The following RABGAP1L variants were observed in gnomAD, a reference collection of about 807,000 sequenced individuals.
RABGAP1L encodes the protein rab GTPase-activating protein 1-like.
In RABGAP1L, 63 loss-of-function variants were observed where a neutral mutation model predicts 137.7. The ratio of observed to expected loss-of-function variants is 0.46; its 90% CI spans 0.37 to 0.56. RABGAP1L has a LOEUF of 0.56. Ranked by LOEUF, RABGAP1L falls within the 20% of genes least tolerant of loss-of-function variation. The pLI, the probability that RABGAP1L is intolerant of heterozygous loss-of-function variation, is 0.00. For synonymous variants in RABGAP1L, 431 were observed against 433.7 expected, an observed-to-expected ratio of 0.99 and a Z score of 0.08; for missense variants, 1,095 against 1,244.0, an observed-to-expected ratio of 0.88 and a Z score of 1.80.
At chr1:174,810,023 A>G (rs1203361273) in intron 18 of RABGAP1L, among the ~76,000 whole-genome samples, 1 of 152,184 alleles carries the variant, frequency 6.6e-6, no homozygotes, top group East Asian at 1.9e-4. Context: ...TTTTTTCATT[A>G]CCACTGTTAG....
chr1:174,924,246 G>T (rs1662309000), intron 19 of RABGAP1L, among the ~76,000 whole-genome samples: 1 of 151,948 alleles, frequency 6.6e-6, no homozygotes, highest in Non-Finnish European at 1.5e-5. Context: ...AATCAGCCGG[G>T]CATGATAGTG....
intron 12 of RABGAP1L, among the ~76,000 whole-genome samples, chr1:174,380,795 C>T (rs12022834): frequency 9.4e-6 from 1 of 106,026 alleles, no homozygotes; most frequent in South Asian, 4.0e-4. Context: ...TCCTTCAGTT[C>T]TGCTCTGATT....
chr1:174,631,822 A>C (rs1673412971), intron 13 of RABGAP1L, among the ~76,000 whole-genome samples: 1 of 151,032 alleles, frequency 6.6e-6, no homozygotes, highest in African/African-American at 2.4e-5. Flanking sequence ...AATACAGCAC[A>C]CTGATGGGTC....
chr1:174,223,621 A>G (rs1358509314), intron 3 of RABGAP1L, among the ~76,000 whole-genome samples: 1 of 152,126 alleles, frequency 6.6e-6, no homozygotes, highest in Non-Finnish European at 1.5e-5. Context: ...CACCTGAATG[A>G]ATGGGGAGAG....
At position 174,628,793 on chromosome 1, in the gene RABGAP1L, G is replaced by A. The variant is rs181943113; in HGVS notation, c.1711-8582G>A. 2.6e-3 allele frequency among the ~76,000 whole-genome samples: 391 copies of A among 151,910 alleles called. 3 individuals are homozygous for A. Among genetic ancestry groups the A allele is most frequent in the South Asian group, 5.8e-3 (28 of 4,820 alleles). Reference sequence around the variant, plus strand: ...ATATTAGTGAAGTGGCTGCCCTAAAGGAATGACTTGTTCCCTCTTCTCATT... The same window carrying A: ...ATATTAGTGAAGTGGCTGCCCTAAAAGAATGACTTGTTCCCTCTTCTCATT... On this transcript the variant is annotated intron_variant, in intron 13 of 25. Coordinates refer to ENST00000681986, the MANE Select transcript of RABGAP1L (RefSeq NM_001366446.1).
intron 11 of RABGAP1L, among the ~76,000 whole-genome samples, chr1:174,320,108 C>G (rs1367399469): frequency 6.6e-6 from 1 of 152,056 alleles, no homozygotes; most frequent in Non-Finnish European, 1.5e-5. Context: ...AAATTATATA[C>G]AACAGAATGA....
At chr1:174,862,135 G>T (rs942751872) in intron 19 of RABGAP1L, among the ~76,000 whole-genome samples, 9 of 152,100 alleles carry the variant, frequency 5.9e-5, no homozygotes, top group Non-Finnish European at 1.3e-4. Context: ...TAAGATAAGG[G>T]TCCAGTTTCA....
intron 20 of RABGAP1L, among the ~76,000 whole-genome samples, chr1:174,963,539 A>G (rs1270401221): frequency 6.6e-6 from 1 of 152,020 alleles, no homozygotes; most frequent in Non-Finnish European, 1.5e-5. Context: ...TAATTTTTAG[A>G]AAGTTTTCTT....
intron 13 of RABGAP1L, among the ~76,000 whole-genome samples, chr1:174,521,164 G>T (rs1210605382): frequency 6.6e-6 from 1 of 152,134 alleles, no homozygotes; most frequent in Non-Finnish European, 1.5e-5. Context: ...ATAGGCTAAA[G>T]AAATTAATTT....
At chr1:174,558,518 T>A (rs1157214878) in intron 13 of RABGAP1L, among the ~76,000 whole-genome samples, 1 of 152,212 alleles carries the variant, frequency 6.6e-6, no homozygotes, top group African/African-American at 2.4e-5. Context: ...CATAGTTGAT[T>A]TGGCTGATCT....
At chr1:174,477,833 T>C (rs190085260) in intron 13 of RABGAP1L, among the ~76,000 whole-genome samples, 168 of 152,274 alleles carry the variant, frequency 1.1e-3, no homozygotes, top group Admixed American at 2.1e-3. Context: ...AGTAAGTGCT[T>C]TGAGATCAAT....
At chr1:174,553,001 A>G (rs569044709) in intron 13 of RABGAP1L, among the ~76,000 whole-genome samples, 1 of 152,092 alleles carries the variant, frequency 6.6e-6, no homozygotes, top group South Asian at 2.1e-4. Context: ...GCTTTTTTCC[A>G]TATTATTTTT....
intron 11 of RABGAP1L, among the ~76,000 whole-genome samples, chr1:174,366,113 G>A (rs1684588006): frequency 6.6e-6 from 1 of 152,030 alleles, no homozygotes. Context: ...AACTTCTCAA[G>A]AAGTCTAGCA....
chr1:174,970,827 A>G (rs570593018), intron 21 of RABGAP1L, among the ~76,000 whole-genome samples: 2 of 152,152 alleles, frequency 1.3e-5, no homozygotes, highest in Non-Finnish European at 2.9e-5. Context: ...TATTTTATCT[A>G]TGTTCACTAG....
chr1:174,802,920 T>A (rs1318540138), intron 18 of RABGAP1L, among the ~76,000 whole-genome samples: 2 of 152,216 alleles, frequency 1.3e-5, no homozygotes, highest in Non-Finnish European at 2.9e-5. Context: ...ACATGCAGTA[T>A]TGCAATCTTT....
intron 14 of RABGAP1L, among the ~76,000 whole-genome samples, chr1:174,674,532 G>A (rs1175994805): frequency 5.3e-5 from 8 of 151,392 alleles, no homozygotes; most frequent in Non-Finnish European, 7.4e-5. Context: ...ATTGTGAATA[G>A]TGCCGCAATA....
intron 12 of RABGAP1L, among the ~76,000 whole-genome samples, chr1:174,384,002 T>G (rs1686491438): frequency 6.6e-6 from 1 of 152,206 alleles, no homozygotes; most frequent in African/African-American, 2.4e-5. Context: ...GCCTTGCTCA[T>G]AATCACCCCA....
At chr1:174,745,196 T>C (rs1317366475) in intron 17 of RABGAP1L, among the ~76,000 whole-genome samples, 1 of 152,222 alleles carries the variant, frequency 6.6e-6, no homozygotes, top group East Asian at 1.9e-4. Flanking sequence ...CCAGGCCTTC[T>C]TTTGATTGCT....
At chr1:174,577,809 T>C (rs1668485890) in intron 13 of RABGAP1L, among the ~76,000 whole-genome samples, 1 of 152,240 alleles carries the variant, frequency 6.6e-6, no homozygotes, top group African/African-American at 2.4e-5. Flanking sequence ...ATGGCTGGTA[T>C]GCATTTGAAG....
Sources: gnomAD v4.1 joint callset for allele counts (sites outside exome capture counted in the v4.1 genomes callset) on GRCh38, gnomAD v4.1.1 for gene constraint, MANE v1.5 for transcripts, NCBI Gene and HGNC (gene_info 2026-07-23, HGNC 2026-07-21) for gene names.